GDA: variants seen among roughly 807,000 people sequenced by gnomAD.
The protein encoded by GDA is cytoplasmic PSD-95 interactor.
In GDA, 18 loss-of-function variants were observed where a neutral mutation model predicts 59.6. The ratio of observed to expected loss-of-function variants is 0.30; its 90% confidence interval spans 0.21 to 0.45. GDA has a LOEUF of 0.45. GDA is among the 20% of genes least tolerant of loss of function. The probability of loss-of-function intolerance (pLI) is 1.00; values close to 1 mark genes in which losing one functional copy is unlikely to be tolerated. For missense variants in GDA, 427 were observed against 552.3 expected, an observed-to-expected ratio of 0.77 and a Z score of 2.27; for synonymous variants, 201 against 201.1, an observed-to-expected ratio of 1.00 and a Z score of 0.00.
chr9:72,191,565 G>A (rs901219032), intron 1 of GDA, among the ~76,000 whole-genome samples: 8 of 150,980 alleles, frequency 5.3e-5, no homozygotes, highest in Non-Finnish European at 8.8e-5. Context: ...TCCGCCTCCC[G>A]GGTTCACGCC....
At chr9:72,146,563 T>TGGTTGAATCCTGGAGG (rs1826642185), upstream of GDA, among the ~76,000 whole-genome samples, 1 of 152,092 alleles carries the variant, frequency 6.6e-6, no homozygotes. Context: ...CAATCCTGGC[T>TGGTTGAATCCTGGAGG]CACTGCAATC....
At chr9:72,126,031 C>T (rs912672430) in intron 1 of GDA, among the ~76,000 whole-genome samples, 3 of 152,060 alleles carry the variant, frequency 2.0e-5, no homozygotes, top group African/African-American at 7.2e-5. Context: ...ATTCTCCTGC[C>T]TCGGCCTCCT....
At chr9:72,254,995 G>C (rs1201289942), downstream of GDA, among the ~76,000 whole-genome samples, 3 of 152,180 alleles carry the variant, frequency 2.0e-5, no homozygotes, top group East Asian at 1.9e-4. Context: ...GGCAAGAAAG[G>C]CTTAATTTAT....
At chr9:72,117,177 C>G (rs1346156255) in intron 1 of GDA, among the ~76,000 whole-genome samples, 3 of 152,028 alleles carry the variant, frequency 2.0e-5, no homozygotes, top group Admixed American at 6.6e-5. Context: ...GTCTATCATT[C>G]ACATCATTAT....
At chr9:72,129,099 A>G (rs1343705285) in intron 1 of GDA, among the ~76,000 whole-genome samples, 1 of 152,014 alleles carries the variant, frequency 6.6e-6, no homozygotes, top group Non-Finnish European at 1.5e-5. Flanking sequence ...AATAGCTGAG[A>G]TTACAGGCAT....
intron 3 of GDA, among the ~76,000 whole-genome samples, chr9:72,204,377 A>G (rs1009658637): frequency 6.6e-5 from 10 of 152,180 alleles, no homozygotes; most frequent in African/African-American, 2.4e-4. Flanking sequence ...AAAGAAAATG[A>G]GTCATGATAT....
At chr9:72,148,579 G>A (rs1826800301), upstream of GDA, among the ~76,000 whole-genome samples, 2 of 152,114 alleles carry the variant, frequency 1.3e-5, no homozygotes, top group Non-Finnish European at 2.9e-5. Context: ...AGGGGCAGAA[G>A]GAACAGCACG....
At chr9:72,216,842 A>T (rs989605588) in intron 5 of GDA, among the ~76,000 whole-genome samples, 22 of 151,930 alleles carry the variant, frequency 1.4e-4, no homozygotes, top group African/African-American at 5.3e-4. Flanking sequence ...CGCCCAGCTA[A>T]TTTTTTGTAT....
intron 1 of GDA, among the ~76,000 whole-genome samples, chr9:72,162,814 C>A (rs566178402): frequency 1.4e-4 from 22 of 152,084 alleles, no homozygotes; most frequent in African/African-American, 5.1e-4. Flanking sequence ...CCCGCCACCA[C>A]AACCAGCTAA....
chr9:72,254,089 C>T (rs1367595072), downstream of GDA, among the ~76,000 whole-genome samples: 1 of 152,164 alleles, frequency 6.6e-6, no homozygotes, highest in Admixed American at 6.5e-5. Flanking sequence ...TCACCAATGG[C>T]AGCAGGTGTT....
At chr9:72,177,663 G>A (rs1830700909) in intron 1 of GDA, among the ~76,000 whole-genome samples, 1 of 152,130 alleles carries the variant, frequency 6.6e-6, no homozygotes, top group Admixed American at 6.5e-5. Flanking sequence ...TACAGAGTGA[G>A]TATTTTTGCT....
intron 1 of GDA, among the ~76,000 whole-genome samples, chr9:72,178,291 C>A (rs1183692139): frequency 6.6e-6 from 1 of 152,100 alleles, no homozygotes; most frequent in Non-Finnish European, 1.5e-5. Flanking sequence ...ATATTTGAAC[C>A]ATGTTGTTAG....
chr9:72,245,762 C>T (rs1263839272), intron 12 of GDA, among the ~76,000 whole-genome samples: 7 of 152,126 alleles, frequency 4.6e-5, no homozygotes, highest in Admixed American at 3.3e-4. Context: ...TTTCTGACTA[C>T]GAGAGGCGAG....
intron 1 of GDA, among the ~76,000 whole-genome samples, chr9:72,136,738 G>C (rs1564152480): frequency 6.6e-6 from 1 of 152,202 alleles, no homozygotes; most frequent in Non-Finnish European, 1.5e-5. Flanking sequence ...GACTTTGGTA[G>C]GCCGAGGTGG....
intron 1 of GDA, among the ~76,000 whole-genome samples, chr9:72,162,918 A>G (rs1166372112): frequency 6.6e-6 from 1 of 152,282 alleles, no homozygotes; most frequent in African/African-American, 2.4e-5. Context: ...CGGCCTCCCA[A>G]AGTGCTGGGA....
At chr9:72,143,411 G>A (rs1419530677) in intron 1 of GDA, among the ~76,000 whole-genome samples, 3 of 152,070 alleles carry the variant, frequency 2.0e-5, no homozygotes, top group Non-Finnish European at 4.4e-5. Context: ...TTACAGGCAT[G>A]AGCCACCACA....
At chr9:72,154,569 G>A (rs1250374460) in intron 1 of GDA, among the ~76,000 whole-genome samples, 1 of 152,116 alleles carries the variant, frequency 6.6e-6, no homozygotes, top group Admixed American at 6.5e-5. Flanking sequence ...TTGATCCCCT[G>A]GGACCCAAAG....
At chr9:72,212,237 C>A (rs1001859269) in intron 4 of GDA, among the ~76,000 whole-genome samples, 6 of 151,962 alleles carry the variant, frequency 3.9e-5, no homozygotes, top group Non-Finnish European at 5.9e-5. Flanking sequence ...AATCCTGGCA[C>A]TTTCGGAGGC....
chr9:72,225,580 G>T, intron 7 of GDA, 97 bp from the exon 8 acceptor site: 2 of 648,862 alleles, frequency 3.1e-6, no homozygotes, highest in Non-Finnish European at 5.5e-6. Context: ...CCTTAAATAG[G>T]CAAGTAGAAA....
Sources: allele counts gnomAD v4.1 joint callset (sites outside exome capture counted in the v4.1 genomes callset), GRCh38; gene constraint gnomAD v4.1.1; transcripts MANE v1.5; gene names NCBI Gene and HGNC (gene_info 2026-07-23, HGNC 2026-07-21).